ATG7: variants seen among roughly 807,000 people sequenced by gnomAD.
ATG7 encodes autophagy related 7, also known as ubiquitin-like modifier-activating enzyme ATG7.
Under a neutral mutation model 82.4 loss-of-function variants are expected in ATG7, and 70 were observed. The observed-to-expected ratio is 0.85, with a 90% CI of 0.70 to 1.04. The LOEUF (loss-of-function observed/expected upper bound fraction) is 1.04. Ranked by LOEUF, ATG7 falls within the 50% of genes least tolerant of loss-of-function variation. ATG7 has a pLI of 0.00. For synonymous variants in ATG7, 287 were observed against 313.0 expected (o/e 0.92, Z 0.88); for missense variants, 792 against 864.3 (o/e 0.92, Z 1.05).
intron 20 of ATG7, among the ~76,000 whole-genome samples, chr3:11,499,416 C>T (rs2091141809): frequency 6.6e-6 from 1 of 152,116 alleles, no homozygotes; most frequent in Admixed American, 6.6e-5. Context: ...TTGTGCAGTG[C>T]CTGACAGATG....
At chr3:11,573,654 C>T in the ATG7 span, among the ~76,000 whole-genome samples, 1 of 152,328 alleles carries the variant, frequency 6.6e-6, no homozygotes, top group South Asian at 2.1e-4. Context: ...CATGAAATCA[C>T]TCCTTCTTGT....
chr3:11,554,923 C>T lies in ATG7; in HGVS notation c.*80C>T. 1 of 1,539,272 alleles carries T rather than the reference C, an allele frequency of 6.5e-7. No individual in the cohort carries two copies. The highest frequency in any genetic ancestry group is 8.8e-7 in the Non-Finnish European group (1 of 1,136,740). ...ATCGCCAGAGCAGGACTGCTGACCC[C>T]AGGCCTGGTGATTCTGGGCCCCTCC... is the stretch of plus-strand genomic sequence containing the variant. On this transcript the variant is annotated 3_prime_UTR_variant, in exon 21 of 21. Coordinates refer to ENST00000693202, the MANE Select transcript of ATG7 (RefSeq NM_001349232.2).
At chr3:11,382,479 A>G (rs2077983131) in intron 19 of ATG7, among the ~76,000 whole-genome samples, 1 of 152,172 alleles carries the variant, frequency 6.6e-6, no homozygotes, top group South Asian at 2.1e-4. Context: ...AAAATATTGA[A>G]GGATGGTGGG....
chr3:11,530,245 GA>G (rs2092669018), intron 20 of ATG7, among the ~76,000 whole-genome samples: 1 of 152,226 alleles, frequency 6.6e-6, no homozygotes, highest in African/African-American at 2.4e-5. Flanking sequence ...CTCCCAGAGA[GA>G]GCGAGGCCCT....
At chr3:11,482,263 G>A (rs746211200) in intron 20 of ATG7, among the ~76,000 whole-genome samples, 1 of 152,160 alleles carries the variant, frequency 6.6e-6, no homozygotes, top group African/African-American at 2.4e-5. Context: ...ACACAACAGC[G>A]CTCAGCATCT....
At chr3:11,561,132 C>A (rs189767679), downstream of ATG7, among the ~76,000 whole-genome samples, 27 of 152,270 alleles carry the variant, frequency 1.8e-4, no homozygotes, top group East Asian at 3.9e-4. Context: ...GAGACCCCCC[C>A]CCAGGGTCCT....
chr3:11,376,136 G>T (rs1017795874), intron 18 of ATG7, among the ~76,000 whole-genome samples: 1 of 152,170 alleles, frequency 6.6e-6, no homozygotes, highest in Admixed American at 6.5e-5. Flanking sequence ...AAGCAGAATA[G>T]GTAAAACAAT....
intron 20 of ATG7, among the ~76,000 whole-genome samples, chr3:11,505,642 C>A (rs1054054691): frequency 2.2e-4 from 34 of 152,166 alleles, no homozygotes; most frequent in Admixed American, 1.9e-3. Context: ...AGGGTCCTTG[C>A]AAGTCAGTGA....
chr3:11,560,816 G>A (rs1349239754), downstream of ATG7, among the ~76,000 whole-genome samples: 4 of 152,164 alleles, frequency 2.6e-5, no homozygotes, highest in Admixed American at 1.3e-4. Context: ...AGGTGGCAGC[G>A]CAGAGAGAAC....
At chr3:11,414,356 G>A (rs1222413594) in intron 19 of ATG7, among the ~76,000 whole-genome samples, 5 of 152,134 alleles carry the variant, frequency 3.3e-5, no homozygotes, top group South Asian at 2.1e-4. Flanking sequence ...ATGAGCCACC[G>A]TGCCCAGCCT....
At chr3:11,516,943 T>G (rs1361834035) in intron 20 of ATG7, among the ~76,000 whole-genome samples, 1 of 151,818 alleles carries the variant, frequency 6.6e-6, no homozygotes, top group Non-Finnish European at 1.5e-5. Flanking sequence ...ATTAGCCGGG[T>G]ATGGTGGCAC....
rs965732899 is a variant in ATG7, at chr3:11,333,240, C to T, written c.889+147C>T. On this transcript the variant is annotated intron_variant, in intron 11 of 20. Coordinates refer to ENST00000693202, the MANE Select transcript of ATG7 (RefSeq NM_001349232.2). ...TCTTTGCCAATGCAGACACCTACTTCGAACAGAGGGCATGCTCTGCTATTC... is the reference window on the plus strand; with the variant it reads ...TCTTTGCCAATGCAGACACCTACTTTGAACAGAGGGCATGCTCTGCTATTC... 10 of 1,086,316 alleles carry T rather than the reference C, an allele frequency of 9.2e-6. No individual in the cohort carries two copies. In the Admixed American group the frequency reaches 2.3e-4, roughly 25 times the overall value. 67.3% of individuals were successfully genotyped at this position (1,086,316 alleles called of 1,614,324 possible).
intron 18 of ATG7, among the ~76,000 whole-genome samples, chr3:11,377,805 C>G (rs1018066438): frequency 6.6e-6 from 1 of 152,056 alleles, no homozygotes; most frequent in African/African-American, 2.4e-5. Flanking sequence ...TTCCAGAGCT[C>G]GTGAAGATTT....
intron 20 of ATG7, among the ~76,000 whole-genome samples, chr3:11,496,400 G>A (rs1450014080): frequency 1.3e-5 from 2 of 152,158 alleles, no homozygotes; most frequent in African/African-American, 2.4e-5. Context: ...ATAAGAGAAT[G>A]TTTTCCCTCC....
At chr3:11,558,379 CG>C (rs1301024325), downstream of ATG7, 12 of 1,067,388 alleles carry the variant, frequency 1.1e-5, no homozygotes, top group South Asian at 2.0e-4. Context: ...CCCCCTTGTA[CG>C]GATACCAAGC....
At chr3:11,563,899 A>G in the ATG7 span, among the ~76,000 whole-genome samples, 24,341 of 152,114 alleles carry the variant, frequency 0.16, 2,076 homozygotes, top group Middle Eastern at 0.23. Flanking sequence ...TACCCCACCC[A>G]CAGTTTCAAC....
intron 20 of ATG7, among the ~76,000 whole-genome samples, chr3:11,439,069 C>CTTTTTTTTTTTTTTTTTTTTTTTTT (rs67206280): frequency 4.9e-5 from 6 of 121,970 alleles, no homozygotes; most frequent in Admixed American, 1.9e-4. Flanking sequence ...TTCTTTCTTT[C>CTTTTTTTTTTTTTTTTTTTTTTTTT]TTTTTTTTTT....
At chr3:11,294,930 T>C (rs766556139) in intron 3 of ATG7, among the ~76,000 whole-genome samples, 3 of 152,110 alleles carry the variant, frequency 2.0e-5, no homozygotes, top group Non-Finnish European at 4.4e-5. Context: ...CTGGCCAACA[T>C]AGTGAAACCA....
intron 19 of ATG7, among the ~76,000 whole-genome samples, chr3:11,389,572 G>A (rs1164235363): frequency 4.6e-5 from 7 of 151,670 alleles, no homozygotes; most frequent in South Asian, 2.1e-4. Flanking sequence ...GGAAAATACC[G>A]CCTGTGTGGG....
Sources: gnomAD v4.1 joint callset for allele counts (sites outside exome capture counted in the v4.1 genomes callset) on GRCh38, gnomAD v4.1.1 for gene constraint, MANE v1.5 for transcripts, NCBI Gene and HGNC (gene_info 2026-07-23, HGNC 2026-07-21) for gene names.